Variants in CNOT1 observed in about 807,000 individuals in gnomAD.
The protein encoded by CNOT1 is CCR4-associated factor 1.
CNOT1 carries 15 observed loss-of-function variants against 273.8 expected under a neutral mutation model. The observed-to-expected ratio is 0.05, with a 90% confidence interval of 0.04 to 0.08. The LOEUF (loss-of-function observed/expected upper bound fraction) is 0.08. Among genes scored for constraint, CNOT1 ranks in the 10% least tolerant of loss-of-function variants. CNOT1 has a pLI of 1.00. For missense variants in CNOT1, 1,644 were observed against 2,912.2 expected, an observed-to-expected ratio of 0.56 and a Z score of 10.02; for synonymous variants, 1,022 against 1,005.5, an observed-to-expected ratio of 1.02 and a Z score of -0.31.
chr16:58,550,022 CT>C, intron 24 of CNOT1, 124 bp from the exon 25 acceptor site: 1 of 1,410,644 alleles, frequency 7.1e-7, no homozygotes, highest in South Asian at 1.4e-5. Context: ...TAAAGAATGA[CT>C]TTCCTTCACA....
chr16:58,606,758 C>G (rs1448515107), intron 1 of CNOT1, among the ~76,000 whole-genome samples: 1 of 150,622 alleles, frequency 6.6e-6, no homozygotes, highest in Non-Finnish European at 1.5e-5. Context: ...GAGCTGAGAT[C>G]AAACCATTGC....
chr16:58,539,653 C>A (rs573016619), intron 35 of CNOT1, 115 bp downstream of exon 35: 10 of 1,096,810 alleles, frequency 9.1e-6, no homozygotes, highest in Non-Finnish European at 1.2e-5. Context: ...ACTTACAGAA[C>A]TTGATTTATA....
At chr16:58,540,090 G>T in intron 34 of CNOT1, 131 bp from the exon 35 acceptor site, 3 of 895,368 alleles carry the variant, frequency 3.4e-6, no homozygotes, top group Admixed American at 6.0e-5. Context: ...AACATGGAGG[G>T]CCTCTTCTTT....
rs755005370 is a variant in CNOT1, at chr16:58,582,836, T to C, written c.1001A>G (p.His334Arg). 6.4e-7 allele frequency: 1 copy of C among 1,572,312 alleles called. No individual in the cohort carries two copies. Reference sequence around the variant, plus strand: ...AATCAAGACTTCTACATTCCATGTGTGTGCCTGTGCTCCATCACTTTTATC... The same window carrying C: ...AATCAAGACTTCTACATTCCATGTGCGTGCCTGTGCTCCATCACTTTTATC... ...GKDKSDGAQA[H>R]TWNVEVLIDV... The change falls in exon 10 of 49, where the codon CAC (histidine) becomes CGC (arginine). Residue 334 changes from histidine (H) to arginine (R), a missense_variant. Physicochemically the swap from His to Arg is conservative, Grantham distance 29. Coordinates refer to ENST00000317147, the MANE Select transcript of CNOT1 (RefSeq NM_016284.5).
chr16:58,612,030 C>A (rs1277917102), intron 1 of CNOT1, among the ~76,000 whole-genome samples: 1 of 95,938 alleles, frequency 1.0e-5, no homozygotes, highest in African/African-American at 4.8e-5. Context: ...AGTGGTGTGA[C>A]CACACCTCGC....
In CNOT1 at chr16:58,591,462, TTTAA is replaced by T. The variant is rs1352392588; in HGVS notation, c.103-2560_103-2557del. On this transcript the variant is annotated intron_variant, in intron 2 of 48. Coordinates refer to ENST00000317147, the MANE Select transcript of CNOT1 (RefSeq NM_016284.5). ...TTAAGAGGCAGAATATGTTTTCAAA[TTTAA>T]CTATGCGCCGGACTCGGAGGCTCAT... is the stretch of plus-strand genomic sequence containing the variant. Among the ~76,000 whole-genome samples the T allele has an allele frequency of 4.6e-5, 7 of 152,296 alleles. No individual in the cohort carries two copies. The South Asian group carries it at 1.5e-3, about 32-fold the overall frequency.
intron 3 of CNOT1, among the ~76,000 whole-genome samples, chr16:58,588,528 T>TA (rs1011920785): frequency 6.6e-6 from 1 of 152,122 alleles, no homozygotes; most frequent in Non-Finnish European, 1.5e-5. Flanking sequence ...TCTGCCTTAC[T>TA]AACTTTTCAG....
At chr16:58,599,131 A>G (rs2042376938) in intron 2 of CNOT1, 105 bp downstream of exon 2, 2 of 1,483,576 alleles carry the variant, frequency 1.3e-6, no homozygotes, top group Non-Finnish European at 9.2e-7. Flanking sequence ...TTAAGGGGCA[A>G]AAGTTAGTTA....
At chr16:58,620,838 A>T (rs2043283307) in intron 1 of CNOT1, among the ~76,000 whole-genome samples, 1 of 152,114 alleles carries the variant, frequency 6.6e-6, no homozygotes, top group African/African-American at 2.4e-5. Flanking sequence ...CAATGATTTA[A>T]GTGGCATTTT....
At position 58,615,838 on chromosome 16, in the gene CNOT1, T is replaced by C; in HGVS notation, c.-175+13890A>G. On this transcript the variant is annotated intron_variant, in intron 1 of 48. Coordinates refer to ENST00000317147, the MANE Select transcript of CNOT1 (RefSeq NM_016284.5). ...AGCTCGCACCTCTAATCCCAGCACTTTGGGAGGCCAAGAAGGGAGGATGGC... is the reference window on the plus strand; with the variant it reads ...AGCTCGCACCTCTAATCCCAGCACTCTGGGAGGCCAAGAAGGGAGGATGGC... 1.6e-5 allele frequency among the ~76,000 whole-genome samples: 2 copies of C among 123,194 alleles called. 1 individual carries two copies. Among genetic ancestry groups the C allele is most frequent in the Admixed American group, 1.6e-4 (2 of 12,350 alleles). 80.8% of individuals were successfully genotyped at this position (123,194 alleles called of 152,430 possible).
Position 58,523,548 on chromosome 16 carries a change from A to G in CNOT1, c.6785-46T>C, listed in dbSNP as rs184660345. 2.8e-5 allele frequency: 45 copies of G among 1,593,932 alleles called. No homozygotes were observed. The Admixed American group carries it at 7.5e-4, about 27-fold the overall frequency. On this transcript the variant is annotated intron_variant, in intron 46 of 48. Coordinates refer to ENST00000317147, the MANE Select transcript of CNOT1 (RefSeq NM_016284.5). Reference sequence around the variant, plus strand: ...ACTTAGGACTTAGTCTGAAAGGCCAACATGGGAAGACAGTTCTAACTGGCT... The same window carrying G: ...ACTTAGGACTTAGTCTGAAAGGCCAGCATGGGAAGACAGTTCTAACTGGCT...
intron 1 of CNOT1, among the ~76,000 whole-genome samples, chr16:58,619,641 G>T (rs2043233292): frequency 6.6e-6 from 1 of 152,058 alleles, no homozygotes; most frequent in South Asian, 2.1e-4. Context: ...GACCAGGCTG[G>T]TCTTGAACTC....
intron 16 of CNOT1, among the ~76,000 whole-genome samples, chr16:58,563,379 A>AG (rs2040928796): frequency 6.6e-6 from 1 of 152,178 alleles, no homozygotes; most frequent in Non-Finnish European, 1.5e-5. Flanking sequence ...TATACCATCT[A>AG]GGTTTCTAAC....
Position 58,583,079 on chromosome 16 carries a change from A to G in CNOT1, c.910T>C (p.Leu304=). The G allele has an allele frequency of 6.2e-7, 1 of 1,614,068 alleles. No homozygotes were observed. Among genetic ancestry groups the G allele is most frequent in the Admixed American group, 1.7e-5 (1 of 60,014 alleles). The change falls in exon 9 of 49, where the codon TTA becomes CTA. Residue 304 remains leucine, a synonymous_variant. Coordinates refer to ENST00000317147, the MANE Select transcript of CNOT1 (RefSeq NM_016284.5). ...LGMMARTHSG[L]TDGIPLQSIS... ...ACCTGTAATGGAATGCCATCTGTTA[A>G]TCCTGAATGAGTTCGAGCCATCATT...
intron 21 of CNOT1, among the ~76,000 whole-genome samples, chr16:58,555,009 A>C (rs924998442): frequency 1.1e-4 from 17 of 150,892 alleles, no homozygotes; most frequent in Non-Finnish European, 2.4e-4. Context: ...TCAGAGGCCA[A>C]GGTGGGAGTT....
At position 58,556,924 on chromosome 16, in the gene CNOT1, T is replaced by C; in HGVS notation, c.2402A>G (p.Asn801Ser). The C allele has an allele frequency of 1.2e-6, 2 of 1,614,166 alleles. No individual in the cohort carries two copies. Among genetic ancestry groups the C allele is most frequent in the Middle Eastern group, 1.6e-4 (1 of 6,062 alleles). ...TGALGLPAVNNDPFVQRKLGT... is the reference protein window; with the variant it reads ...TGALGLPAVNSDPFVQRKLGT... ...CAGTTTCCTCTGTACAAAAGGGTCG[T>C]TATTCACTGCAGGGAGTCCAAGAGC... The change falls in exon 19 of 49, where the codon AAC becomes AGC. Residue 801 changes from asparagine (N) to serine (S), a missense_variant. Asn to Ser is a conservative substitution (Grantham distance 46). Around this residue, in one of 13 missense-constraint regions of CNOT1, gnomAD observed 706 missense variants for 1,021.2 expected, o/e 0.69. Coordinates refer to ENST00000317147, the MANE Select transcript of CNOT1 (RefSeq NM_016284.5).
At chr16:58,567,898 G>A (rs1263720318) in intron 16 of CNOT1, among the ~76,000 whole-genome samples, 1 of 152,248 alleles carries the variant, frequency 6.6e-6, no homozygotes, top group Non-Finnish European at 1.5e-5. Context: ...TGTATAGGGA[G>A]TCTGTGTGAG....
intron 11 of CNOT1, among the ~76,000 whole-genome samples, chr16:58,581,128 T>C (rs1249650905): frequency 1.3e-5 from 2 of 151,278 alleles, no homozygotes; most frequent in African/African-American, 2.4e-5. Flanking sequence ...CATTAAACTA[T>C]TGGGAAAACA....
rs116180733 is a variant in CNOT1 at position 58,627,774 on chromosome 16, T to C, written c.-175+1954A>G. The stretch of plus-strand genomic sequence containing the variant: ...TACCTTAAAACTTCTAAGATTACAA[T>C]CTTAGGTAAGAAAAGGAAATATTTT... On this transcript the variant is annotated intron_variant, in intron 1 of 48. Transcript: ENST00000317147. Among the ~76,000 whole-genome samples, 501 of 152,294 alleles carry C rather than the reference T, an allele frequency of 3.3e-3. 3 individuals are homozygous for C. Among genetic ancestry groups the C allele is most frequent in the African/African-American group, 0.011 (468 of 41,558 alleles).
Sources: allele counts gnomAD v4.1 joint callset (sites outside exome capture counted in the v4.1 genomes callset), GRCh38; gene constraint gnomAD v4.1.1; regional missense constraint gnomAD v4.1.1; transcripts MANE v1.5; gene names NCBI Gene and HGNC (gene_info 2026-07-23, HGNC 2026-07-21).